The following RBMS3 variants were observed in gnomAD, a reference collection of about 807,000 sequenced individuals.
RBMS3 encodes RNA binding motif single stranded interacting protein 3.
A neutral mutation model predicts 66.8 loss-of-function variants in RBMS3; 27 were observed. The ratio of observed to expected loss-of-function variants is 0.40; its 90% CI spans 0.30 to 0.56. RBMS3 has a LOEUF of 0.56. RBMS3 is among the 20% of genes least tolerant of loss of function. RBMS3 has a pLI of 0.40. For synonymous variants in RBMS3, 188 were observed against 183.0 expected, an observed-to-expected ratio of 1.03 and a Z score of -0.22; for missense variants, 513 against 549.5, an observed-to-expected ratio of 0.93 and a Z score of 0.66.
At position 29,739,779 on chromosome 3, in the gene RBMS3, G is replaced by A; in HGVS notation, c.459G>A (p.Glu153=). The A allele has an allele frequency of 1.9e-6, 3 of 1,613,164 alleles. No individual in the cohort carries two copies. Among genetic ancestry groups the A allele is most frequent in the Non-Finnish European group, 2.5e-6 (3 of 1,179,372 alleles). Residue 153 remains glutamate (E), a synonymous_variant, in exon 5 of 15, where the codon GAG becomes GAA. Coordinates refer to ENST00000383767, the MANE Select transcript of RBMS3 (RefSeq NM_001003793.3). ...CAAATCTCCCCATTTCTATGGATGA[G>A]CAGGAGCTTGAGAATATGCTGAAAC... is the stretch of plus-strand genomic sequence containing the variant. ...YISNLPISMD[E]QELENMLKPF... is the part of the protein sequence containing the mutation.
chr3:29,477,327 C>T (rs1259071530), intron 2 of RBMS3, among the ~76,000 whole-genome samples: 2 of 152,150 alleles, frequency 1.3e-5, no homozygotes, highest in Non-Finnish European at 2.9e-5. Flanking sequence ...TGTACCTGGA[C>T]ATACTTGACT....
intron 6 of RBMS3, among the ~76,000 whole-genome samples, chr3:29,782,676 A>G (rs2056679457): frequency 6.6e-6 from 1 of 152,224 alleles, no homozygotes; most frequent in Admixed American, 6.5e-5. Context: ...ATCCAAAACA[A>G]GACAAAATCT....
chr3:29,815,516 G>A (rs2057861811), intron 6 of RBMS3, among the ~76,000 whole-genome samples: 1 of 151,960 alleles, frequency 6.6e-6, no homozygotes, highest in South Asian at 2.1e-4. Flanking sequence ...TTTTATAATA[G>A]GGTTAAAATT....
chr3:29,572,264 A>T (rs1455230213), intron 3 of RBMS3, among the ~76,000 whole-genome samples: 1 of 151,954 alleles, frequency 6.6e-6, no homozygotes, highest in Non-Finnish European at 1.5e-5. Flanking sequence ...GATGCCCTTT[A>T]TTTCTTCCTT....
intron 6 of RBMS3, among the ~76,000 whole-genome samples, chr3:29,813,136 T>C (rs964027227): frequency 1.3e-5 from 2 of 152,118 alleles, no homozygotes; most frequent in Non-Finnish European, 2.9e-5. Flanking sequence ...AATAAGGCTG[T>C]GAGAAACATA....
intron 4 of RBMS3, among the ~76,000 whole-genome samples, chr3:29,675,456 A>G (rs1046846110): frequency 2.6e-5 from 4 of 152,252 alleles, no homozygotes; most frequent in Non-Finnish European, 5.9e-5. Flanking sequence ...GAGCTTCTGC[A>G]CAGGAAAAGA....
At chr3:29,993,131 A>G (rs1294278898) in intron 14 of RBMS3, among the ~76,000 whole-genome samples, 1 of 149,416 alleles carries the variant, frequency 6.7e-6, no homozygotes, top group East Asian at 1.9e-4. Flanking sequence ...TACAAATGTA[A>G]GGTATTATTA....
chr3:29,579,239 T>C (rs1354350766), intron 3 of RBMS3, among the ~76,000 whole-genome samples: 1 of 152,166 alleles, frequency 6.6e-6, no homozygotes, highest in Non-Finnish European at 1.5e-5. Context: ...GAATAGGTGG[T>C]AAAAAGAAGG....
At chr3:29,769,926 C>G (rs1412803340) in intron 6 of RBMS3, among the ~76,000 whole-genome samples, 1 of 151,562 alleles carries the variant, frequency 6.6e-6, no homozygotes, top group African/African-American at 2.4e-5. Flanking sequence ...AGAAAGAAAG[C>G]AAGAGTGAGA....
intron 6 of RBMS3, among the ~76,000 whole-genome samples, chr3:29,821,642 G>A (rs1447126607): frequency 6.6e-6 from 1 of 152,122 alleles, no homozygotes; most frequent in Non-Finnish European, 1.5e-5. Flanking sequence ...CCAGAATATT[G>A]GAATGGTTTC....
At chr3:29,589,544 A>C (rs1369199087) in intron 4 of RBMS3, among the ~76,000 whole-genome samples, 1 of 152,056 alleles carries the variant, frequency 6.6e-6, no homozygotes, top group African/African-American at 2.4e-5. Context: ...GCAATGAATG[A>C]CTCTGTAATT....
At chr3:29,508,666 C>A (rs183371432) in intron 3 of RBMS3, among the ~76,000 whole-genome samples, 2 of 151,644 alleles carry the variant, frequency 1.3e-5, no homozygotes, top group African/African-American at 2.4e-5. Context: ...AACATACGTG[C>A]GCTTTTTTTT....
chr3:29,607,415 C>T (rs2048350366), intron 4 of RBMS3, among the ~76,000 whole-genome samples: 1 of 151,902 alleles, frequency 6.6e-6, no homozygotes, highest in African/African-American at 2.4e-5. Flanking sequence ...CAGCTGTGTC[C>T]TCACACTGTG....
chr3:29,796,037 TG>T (rs2057170752), intron 6 of RBMS3, among the ~76,000 whole-genome samples: 1 of 152,210 alleles, frequency 6.6e-6, no homozygotes, highest in Non-Finnish European at 1.5e-5. Context: ...AGAGGTATTG[TG>T]GGTTCAGTTC....
intron 4 of RBMS3, among the ~76,000 whole-genome samples, chr3:29,715,458 C>A (rs2053352393): frequency 6.6e-6 from 1 of 152,076 alleles, no homozygotes; most frequent in Non-Finnish European, 1.5e-5. Flanking sequence ...TTTTCATGCT[C>A]CCCTCCAAAT....
chr3:29,334,709 C>T lies in RBMS3; in HGVS notation c.75+52953C>T, dbSNP rs2035850071. Among the ~76,000 whole-genome samples the T allele has an allele frequency of 2.0e-5, 3 of 152,250 alleles. No individual in the cohort carries two copies. In the South Asian group the frequency reaches 6.2e-4, roughly 32 times the overall value. On this transcript the variant is annotated intron_variant, in intron 1 of 14. Transcript: ENST00000383767. The stretch of plus-strand genomic sequence containing the variant: ...CAGGACATGTCGTTGTTCAGGCTTT[C>T]CTGCATTGCGCTTTAAAGAATCATT...
At chr3:29,494,326 A>T (rs1160703572) in intron 3 of RBMS3, among the ~76,000 whole-genome samples, 1 of 152,184 alleles carries the variant, frequency 6.6e-6, no homozygotes, top group African/African-American at 2.4e-5. Context: ...AAGCTTACTC[A>T]CTTTTTTATT....
In RBMS3 at chr3:29,897,394, G is replaced by A. The variant is rs200187522; in HGVS notation, c.807G>A (p.Pro269=). 4.4e-5 allele frequency: 71 copies of A among 1,610,508 alleles called. No homozygotes were observed. The East Asian group carries it at 1.3e-3, about 28-fold the overall frequency. The change falls in exon 9 of 15, where the codon CCG becomes CCA. Residue 269 remains proline, a synonymous_variant. Transcript: ENST00000383767. ...AAIQNGFYSS[P]YSIATNRMIP... is the part of the protein sequence containing the mutation. ...CTGTTTGCAGATTTTATTCTTCACC[G>A]TACAGTATTGCAACCAACCGCATGA...
intron 4 of RBMS3, 72 bp downstream of exon 4, chr3:29,587,277 T>TGA: frequency 1.5e-6 from 1 of 654,610 alleles, no homozygotes; most frequent in Non-Finnish European, 2.2e-6. Flanking sequence ...TGTGTGTGTG[T>TGA]GAAAGAGAGA....
Sources: allele counts gnomAD v4.1 joint callset (sites outside exome capture counted in the v4.1 genomes callset), GRCh38; gene constraint gnomAD v4.1.1; transcripts MANE v1.5; gene names NCBI Gene and HGNC (gene_info 2026-07-23, HGNC 2026-07-21).